Variants in KCNIP4 observed in about 807,000 individuals in gnomAD.
KCNIP4 encodes the protein potassium voltage-gated channel interacting protein 4.
In KCNIP4, 12 loss-of-function variants were observed where a neutral mutation model predicts 34.0. The ratio of observed to expected loss-of-function variants is 0.35; its 90% CI spans 0.23 to 0.57. The LOEUF (loss-of-function observed/expected upper bound fraction) is 0.57. Among genes scored for constraint, KCNIP4 ranks in the 20% least tolerant of loss-of-function variants. The probability of loss-of-function intolerance (pLI) is 0.83; values close to 1 mark genes in which losing one functional copy is unlikely to be tolerated. For synonymous variants in KCNIP4, 124 were observed against 102.2 expected, an observed-to-expected ratio of 1.21 and a Z score of -1.29; for missense variants, 238 against 311.7, an observed-to-expected ratio of 0.76 and a Z score of 1.78.
intron 1 of KCNIP4, among the ~76,000 whole-genome samples, chr4:21,444,537 T>A (rs1238599818): frequency 6.6e-6 from 1 of 152,152 alleles, no homozygotes; most frequent in Non-Finnish European, 1.5e-5. Context: ...CATGATTATC[T>A]CAATAGATGC....
chr4:21,427,194 G>T (rs1726008947), intron 1 of KCNIP4, among the ~76,000 whole-genome samples: 1 of 151,632 alleles, frequency 6.6e-6, no homozygotes, highest in Admixed American at 6.6e-5. Context: ...GGAAATTTTA[G>T]AAAAAGGTAT....
At chr4:21,784,462 G>A (rs1017639223) in intron 1 of KCNIP4, among the ~76,000 whole-genome samples, 1 of 151,684 alleles carries the variant, frequency 6.6e-6, no homozygotes, top group Admixed American at 6.6e-5. Context: ...ACATTTTAAA[G>A]AAAAACAAGG....
chr4:21,346,102 AATAT>A (rs1717299909), intron 1 of KCNIP4, among the ~76,000 whole-genome samples: 1 of 123,996 alleles, frequency 8.1e-6, no homozygotes, highest in Admixed American at 1.2e-4. Context: ...AGATATCTTA[AATAT>A]ATATAAATAT....
At chr4:21,125,135 G>A (rs554236062) in intron 1 of KCNIP4, among the ~76,000 whole-genome samples, 21 of 145,146 alleles carry the variant, frequency 1.4e-4, no homozygotes, top group African/African-American at 4.3e-4. Flanking sequence ...AGTGGTTCTC[G>A]GACTTGAATG....
At chr4:21,582,803 TC>T (rs1741334514) in intron 1 of KCNIP4, among the ~76,000 whole-genome samples, 1 of 151,900 alleles carries the variant, frequency 6.6e-6, no homozygotes, top group Non-Finnish European at 1.5e-5. Context: ...AAATGCACCC[TC>T]CTGAGATAAC....
intron 1 of KCNIP4, among the ~76,000 whole-genome samples, chr4:21,773,248 G>C (rs990832357): frequency 1.3e-5 from 2 of 151,970 alleles, no homozygotes; most frequent in Non-Finnish European, 2.9e-5. Flanking sequence ...CTTAATGCTG[G>C]GTTCTAATTT....
chr4:21,812,396 C>CTCTA (rs1213665820), intron 1 of KCNIP4, among the ~76,000 whole-genome samples: 2 of 152,046 alleles, frequency 1.3e-5, no homozygotes, highest in Non-Finnish European at 2.9e-5. Flanking sequence ...ATAGGGAATG[C>CTCTA]CAGCAAATAA....
chr4:20,774,079 C>G (rs1756153901), intron 3 of KCNIP4, among the ~76,000 whole-genome samples: 1 of 152,136 alleles, frequency 6.6e-6, no homozygotes, highest in Middle Eastern at 3.2e-3. Context: ...ACTACCCTAT[C>G]TGGAGGTTAT....
intron 3 of KCNIP4, among the ~76,000 whole-genome samples, chr4:20,839,917 T>C (rs1295701304): frequency 6.6e-6 from 1 of 152,088 alleles, no homozygotes; most frequent in Non-Finnish European, 1.5e-5. Context: ...ATAACAGGTG[T>C]GAGATCACTG....
chr4:21,287,748 T>C (rs923092161), intron 1 of KCNIP4, among the ~76,000 whole-genome samples: 6 of 152,168 alleles, frequency 3.9e-5, no homozygotes, highest in Non-Finnish European at 8.8e-5. Flanking sequence ...GAAACCTACA[T>C]AAAGACTAAT....
intron 1 of KCNIP4, among the ~76,000 whole-genome samples, chr4:21,474,441 A>G (rs1481007341): frequency 6.6e-6 from 1 of 152,196 alleles, no homozygotes; most frequent in Non-Finnish European, 1.5e-5. Flanking sequence ...AACTCCAAAT[A>G]TGCCTCAGGT....
At chr4:21,925,769 G>C (rs1578150441) in intron 1 of KCNIP4, among the ~76,000 whole-genome samples, 1 of 152,044 alleles carries the variant, frequency 6.6e-6, no homozygotes, top group Non-Finnish European at 1.5e-5. Flanking sequence ...ATATCTAGCG[G>C]TCCACTATAT....
intron 1 of KCNIP4, among the ~76,000 whole-genome samples, chr4:21,701,314 G>A (rs1012355867): frequency 6.6e-6 from 1 of 152,132 alleles, no homozygotes; most frequent in Non-Finnish European, 1.5e-5. Context: ...TCAGCTAAAC[G>A]GGAGGAATAC....
chr4:21,612,148 A>AT (rs201076226), intron 1 of KCNIP4, among the ~76,000 whole-genome samples: 105 of 151,934 alleles, frequency 6.9e-4, no homozygotes, highest in Non-Finnish European at 8.5e-4. Context: ...AAAAAGATTG[A>AT]TTTTTTTTAA....
intron 1 of KCNIP4, among the ~76,000 whole-genome samples, chr4:21,939,061 T>G (rs1240451981): frequency 6.6e-6 from 1 of 152,196 alleles, no homozygotes. Flanking sequence ...ACAGTAGTTA[T>G]GGAAGGCCAC....
At chr4:21,119,415 T>C (rs575871075) in intron 1 of KCNIP4, among the ~76,000 whole-genome samples, 4 of 147,508 alleles carry the variant, frequency 2.7e-5, no homozygotes, top group Admixed American at 6.7e-5. Context: ...ATCTAGAAAG[T>C]TGTGAGTACA....
chr4:20,969,331 A>C (rs979153844), intron 1 of KCNIP4, among the ~76,000 whole-genome samples: 3 of 152,194 alleles, frequency 2.0e-5, no homozygotes, highest in African/African-American at 7.2e-5. Flanking sequence ...ATATTGGTTT[A>C]AAAGCCATTA....
At position 21,212,759 on chromosome 4, in the gene KCNIP4, G is replaced by A. The variant is rs75959219; in HGVS notation, c.62-330050C>T. ...ATAAAGTCACTAATCCCATTCATGA[G>A]GACTCCACCCTCATGACCTGATCAT... On this transcript the variant is annotated intron_variant, in intron 1 of 8. Coordinates refer to ENST00000382152, the MANE Select transcript of KCNIP4 (RefSeq NM_025221.6). Among the ~76,000 whole-genome samples, 57 of 152,184 alleles carry A rather than the reference G, an allele frequency of 3.7e-4. No individual in the cohort carries two copies. In the East Asian group the frequency reaches 9.7e-3, roughly 26 times the overall value.
intron 1 of KCNIP4, among the ~76,000 whole-genome samples, chr4:21,933,945 C>A (rs996972129): frequency 6.6e-6 from 1 of 152,022 alleles, no homozygotes. Context: ...AGACACCCAA[C>A]AATTAATTAA....
Sources: allele counts gnomAD v4.1 joint callset (sites outside exome capture counted in the v4.1 genomes callset), GRCh38; gene constraint gnomAD v4.1.1; transcripts MANE v1.5; gene names NCBI Gene and HGNC (gene_info 2026-07-23, HGNC 2026-07-21).